The following TRAF3 variants were observed in gnomAD, a reference collection of about 807,000 sequenced individuals.
The protein encoded by TRAF3 is TNF receptor associated factor 3.
TRAF3 carries 13 observed loss-of-function variants against 62.3 expected under a neutral mutation model. The observed-to-expected ratio is 0.21, with a 90% CI of 0.14 to 0.33. TRAF3 has a LOEUF of 0.33. TRAF3 is among the 10% of genes least tolerant of loss of function. The pLI, the probability that TRAF3 is intolerant of heterozygous loss-of-function variation, is 1.00. For synonymous variants in TRAF3, 269 were observed against 283.4 expected, an observed-to-expected ratio of 0.95 and a Z score of 0.51; for missense variants, 440 against 741.8, an observed-to-expected ratio of 0.59 and a Z score of 4.73.
intron 1 of TRAF3, among the ~76,000 whole-genome samples, chr14:102,790,232 G>A (rs1897722853): frequency 6.6e-6 from 1 of 152,096 alleles, no homozygotes; most frequent in South Asian, 2.1e-4. Flanking sequence ...TTCTTTGTAT[G>A]TTCTTATTTA....
intron 4 of TRAF3, among the ~76,000 whole-genome samples, chr14:102,872,816 C>T (rs749494062): frequency 3.3e-5 from 5 of 152,000 alleles, no homozygotes; most frequent in South Asian, 2.1e-4. Context: ...CGCAGCCTCC[C>T]GAGTAGCTGG....
Position 102,906,420 on chromosome 14 carries a change from A to G in TRAF3, c.*636A>G, listed in dbSNP as rs1202750017. 6.6e-6 allele frequency: 1 copy of G among 152,478 alleles called. No individual in the cohort carries two copies. The highest frequency in any genetic ancestry group is 6.5e-5 in the Admixed American group (1 of 15,288). The allele number at this position is 152,478 out of a possible 1,614,324, so 9.4% of individuals were successfully genotyped here. A position where few individuals can be genotyped will look rare whatever the true frequency, so the allele number is the denominator to read the frequency against. On this transcript the variant is annotated 3_prime_UTR_variant, in exon 12 of 12. Transcript: ENST00000392745. ...AGTTCTACAAATAATTGTTACTGCA[A>G]ACATTTTATTTTAAAACGTTGATAG...
At chr14:102,884,519 T>C (rs747892494) in intron 6 of TRAF3, among the ~76,000 whole-genome samples, 5 of 152,030 alleles carry the variant, frequency 3.3e-5, no homozygotes, top group Non-Finnish European at 5.9e-5. Flanking sequence ...ATATCAAAAA[T>C]ATGCTTAAGA....
intron 4 of TRAF3, among the ~76,000 whole-genome samples, chr14:102,874,288 A>T (rs1888514569): frequency 6.6e-6 from 1 of 151,962 alleles, no homozygotes; most frequent in Non-Finnish European, 1.5e-5. Flanking sequence ...ACAGAGTCTC[A>T]CTCTCTTGCC....
At chr14:102,854,094 C>G (rs1887217395) in intron 2 of TRAF3, among the ~76,000 whole-genome samples, 1 of 152,170 alleles carries the variant, frequency 6.6e-6, no homozygotes, top group South Asian at 2.1e-4. Flanking sequence ...CAGGGTCCAT[C>G]CATGTTGTAG....
intron 1 of TRAF3, among the ~76,000 whole-genome samples, chr14:102,796,668 C>G (rs990285357): frequency 9.9e-5 from 15 of 152,186 alleles, no homozygotes; most frequent in African/African-American, 3.6e-4. Flanking sequence ...CCAAACAGCC[C>G]CTGGTCGATG....
chr14:102,820,040 G>A (rs754313752), intron 1 of TRAF3, among the ~76,000 whole-genome samples: 4 of 152,156 alleles, frequency 2.6e-5, no homozygotes, highest in African/African-American at 9.7e-5. Flanking sequence ...TGTAGGGGGT[G>A]GGTGGTCACC....
intron 1 of TRAF3, among the ~76,000 whole-genome samples, chr14:102,817,751 G>C (rs756529520): frequency 2.0e-5 from 3 of 152,196 alleles, no homozygotes; most frequent in Non-Finnish European, 2.9e-5. Flanking sequence ...CTTATCCTCA[G>C]GGTTCTCTCT....
At chr14:102,896,137 A>G (rs1226456405) in intron 9 of TRAF3, among the ~76,000 whole-genome samples, 1 of 152,182 alleles carries the variant, frequency 6.6e-6, no homozygotes, top group Admixed American at 6.5e-5. Context: ...AAATCGAGCT[A>G]ATTAACATAT....
rs866280238 is a variant in TRAF3 at position 102,790,930 on chromosome 14, G to A, written c.-157+13255G>A. On this transcript the variant is annotated intron_variant, in intron 1 of 11. Coordinates refer to ENST00000392745, the MANE Select transcript of TRAF3 (RefSeq NM_145725.3). ...AAAAAGGTCATTGGAATTTTAATAG[G>A]GAGGGGATTGATTCTGTAGATTGCT... Among the ~76,000 whole-genome samples the A allele has an allele frequency of 3.9e-5, 6 of 152,118 alleles. No individual in the cohort carries two copies. The South Asian group carries it at 1.2e-3, about 32-fold the overall frequency.
chr14:102,858,187 T>C (rs557207093), intron 2 of TRAF3, among the ~76,000 whole-genome samples: 1 of 152,018 alleles, frequency 6.6e-6, no homozygotes, highest in South Asian at 2.1e-4. Flanking sequence ...AGTCTCACTC[T>C]GTCGCCCAGG....
chr14:102,823,763 A>G (rs1595332591), intron 1 of TRAF3, among the ~76,000 whole-genome samples: 1 of 152,180 alleles, frequency 6.6e-6, no homozygotes, highest in African/African-American at 2.4e-5. Context: ...CATTCCATAC[A>G]ATTACCTATT....
Position 102,887,712 on chromosome 14 carries a change from A to G in TRAF3, c.651+1443A>G, listed in dbSNP as rs898396379. ...TGGGTTCACACCATTCTCCTGCCTCAGCCTCCCGAGTAGCTGGGACTACAG... is the reference window on the plus strand; with the variant it reads ...TGGGTTCACACCATTCTCCTGCCTCGGCCTCCCGAGTAGCTGGGACTACAG... On this transcript the variant is annotated intron_variant, in intron 7 of 11. Transcript: ENST00000392745. Among the ~76,000 whole-genome samples, 52 of 151,652 alleles carry G rather than the reference A, an allele frequency of 3.4e-4. 2 individuals are homozygous for G.
intron 1 of TRAF3, among the ~76,000 whole-genome samples, chr14:102,814,625 C>T (rs1899405273): frequency 6.6e-6 from 1 of 151,836 alleles, no homozygotes; most frequent in Non-Finnish European, 1.5e-5. Flanking sequence ...CTTAGGTGAT[C>T]CTCCCACCTC....
chr14:102,820,204 G>C (rs574946778), intron 1 of TRAF3, among the ~76,000 whole-genome samples: 1 of 152,090 alleles, frequency 6.6e-6, no homozygotes, highest in Non-Finnish European at 1.5e-5. Context: ...GCATTGTGAC[G>C]CAGGGTCAAA....
intron 9 of TRAF3, among the ~76,000 whole-genome samples, chr14:102,896,260 C>CT (rs1890003175): frequency 2.0e-5 from 3 of 152,274 alleles, no homozygotes; most frequent in Admixed American, 2.0e-4. Context: ...GCCCCTCTGT[C>CT]TAACTGAGGC....
At chr14:102,822,745 C>A (rs537937282) in intron 1 of TRAF3, among the ~76,000 whole-genome samples, 1 of 152,206 alleles carries the variant, frequency 6.6e-6, no homozygotes, top group Non-Finnish European at 1.5e-5. Context: ...GTGGCTTATG[C>A]CTGTAATCCC....
At chr14:102,859,203 A>G (rs1023941233) in intron 2 of TRAF3, among the ~76,000 whole-genome samples, 1 of 152,144 alleles carries the variant, frequency 6.6e-6, no homozygotes, top group Non-Finnish European at 1.5e-5. Flanking sequence ...CAAAAAAAAA[A>G]AAAATCCACA....
chr14:102,806,241 C>T (rs777144178), intron 1 of TRAF3, among the ~76,000 whole-genome samples: 4 of 152,168 alleles, frequency 2.6e-5, no homozygotes, highest in African/African-American at 7.2e-5. Flanking sequence ...ATTCACCATA[C>T]TCTTCTTGAT....
Sources: allele counts gnomAD v4.1 joint callset (sites outside exome capture counted in the v4.1 genomes callset), GRCh38; gene constraint gnomAD v4.1.1; transcripts MANE v1.5; gene names NCBI Gene and HGNC (gene_info 2026-07-23, HGNC 2026-07-21).